The following WWOX variants were observed in gnomAD, a reference collection of about 807,000 sequenced individuals.
WWOX encodes the protein WW domain-containing oxidoreductase.
Under a neutral mutation model 46.2 loss-of-function variants are expected in WWOX, and 69 were observed. That is an observed-to-expected ratio of 1.49 (90% CI 1.23 to 1.82). The LOEUF (loss-of-function observed/expected upper bound fraction) is 1.82, where lower values mean the gene tolerates loss of function less well. WWOX is among the 40% of genes most tolerant of loss of function. WWOX has a pLI of 0.00. For synonymous variants in WWOX, 359 were observed against 202.6 expected (o/e 1.77, Z -6.56); for missense variants, 919 against 542.6 (o/e 1.69, Z -6.89).
chr16:79,065,871 T>C (rs1233048888), intron 8 of WWOX, among the ~76,000 whole-genome samples: 2 of 152,256 alleles, frequency 1.3e-5, no homozygotes, highest in African/African-American at 2.4e-5. Flanking sequence ...ATTCCTCTTA[T>C]GGTCACAATT....
chr16:78,469,040 T>A (rs2151432564), intron 8 of WWOX, among the ~76,000 whole-genome samples: 1 of 152,316 alleles, frequency 6.6e-6, no homozygotes, highest in East Asian at 1.9e-4. Flanking sequence ...ATGGATAGAT[T>A]GATTTTGTTG....
At chr16:78,420,399 C>T (rs572952056) in intron 6 of WWOX, among the ~76,000 whole-genome samples, 2 of 151,932 alleles carry the variant, frequency 1.3e-5, no homozygotes, top group Non-Finnish European at 2.9e-5. Context: ...ATAAACAAAG[C>T]GTGGTATATT....
At chr16:78,171,148 G>A (rs11648811) in intron 5 of WWOX, among the ~76,000 whole-genome samples, 12,733 of 152,200 alleles carry the variant, frequency 0.084, 590 homozygotes, top group Non-Finnish European at 0.094. Flanking sequence ...ATTTTGCTGT[G>A]CTTTTCATAG....
intron 8 of WWOX, among the ~76,000 whole-genome samples, chr16:79,185,080 A>G (rs1463240994): frequency 6.6e-6 from 1 of 152,230 alleles, no homozygotes; most frequent in Non-Finnish European, 1.5e-5. Flanking sequence ...AGGTCTTGAG[A>G]TAAGAAAAAC....
intron 8 of WWOX, among the ~76,000 whole-genome samples, chr16:78,515,920 G>A (rs775595068): frequency 2.6e-5 from 4 of 152,218 alleles, no homozygotes; most frequent in Admixed American, 2.6e-4. Context: ...ATTTTGTTAC[G>A]TGTTGTTAGG....
intron 8 of WWOX, among the ~76,000 whole-genome samples, chr16:79,134,524 GC>G (rs1452722707): frequency 6.6e-6 from 1 of 152,078 alleles, no homozygotes; most frequent in Non-Finnish European, 1.5e-5. Context: ...CCTACCCGGG[GC>G]CCACTCCTAC....
intron 8 of WWOX, among the ~76,000 whole-genome samples, chr16:78,547,744 G>C (rs1043912645): frequency 6.6e-6 from 1 of 152,128 alleles, no homozygotes; most frequent in Non-Finnish European, 1.5e-5. Context: ...GAGGGGCAAA[G>C]GGTCTCTCTA....
At position 78,787,499 on chromosome 16, in the gene WWOX, C is replaced by A. The variant is rs901325998; in HGVS notation, c.1056+354747C>A. On this transcript the variant is annotated intron_variant, in intron 8 of 8. Coordinates refer to ENST00000566780, the MANE Select transcript of WWOX (RefSeq NM_016373.4). ...CATGTTGTAGAATGTATCAGTACTT[C>A]ATTCTTTTTATGGTTGAGTGATATT... Among the ~76,000 whole-genome samples the A allele has an allele frequency of 7.9e-5, 12 of 152,108 alleles. 1 individual carries two copies. Among genetic ancestry groups the A allele is most frequent in the Admixed American group, 7.9e-4 (12 of 15,274 alleles).
intron 8 of WWOX, among the ~76,000 whole-genome samples, chr16:78,672,738 GC>G (rs1567479844): frequency 2.0e-5 from 3 of 152,228 alleles, no homozygotes; most frequent in African/African-American, 4.8e-5. Flanking sequence ...CTGGTCTGCA[GC>G]CCCCCATTTT....
At chr16:78,905,831 A>T (rs966102342) in intron 8 of WWOX, among the ~76,000 whole-genome samples, 2 of 152,164 alleles carry the variant, frequency 1.3e-5, no homozygotes, top group African/African-American at 4.8e-5. Context: ...CTGGATTTCA[A>T]ATGCTAGTTG....
intron 8 of WWOX, among the ~76,000 whole-genome samples, chr16:78,660,212 C>A (rs1464800166): frequency 1.3e-5 from 2 of 152,076 alleles, no homozygotes; most frequent in African/African-American, 2.4e-5. Flanking sequence ...ATATTGTCAG[C>A]AGGAGGGAGG....
At chr16:78,534,709 T>TTTTTA in intron 8 of WWOX, among the ~76,000 whole-genome samples, 1 of 152,054 alleles carries the variant, frequency 6.6e-6, no homozygotes, top group South Asian at 2.1e-4. Flanking sequence ...TCTTTTTATT[T>TTTTTA]TTTTATTTCA....
intron 8 of WWOX, among the ~76,000 whole-genome samples, chr16:79,209,853 AT>A (rs1305076767): frequency 2.6e-5 from 4 of 152,210 alleles, no homozygotes; most frequent in Non-Finnish European, 4.4e-5. Context: ...GCTCAGGGTT[AT>A]TAGGAATAAT....
At chr16:78,895,012 C>A (rs570668973) in intron 8 of WWOX, among the ~76,000 whole-genome samples, 1 of 152,158 alleles carries the variant, frequency 6.6e-6, no homozygotes, top group African/African-American at 2.4e-5. Context: ...ATCATGCCGC[C>A]GGGCACCGGT....
chr16:78,543,717 G>C (rs1477389649), intron 8 of WWOX, among the ~76,000 whole-genome samples: 2 of 152,174 alleles, frequency 1.3e-5, no homozygotes, highest in Admixed American at 6.5e-5. Flanking sequence ...TCCTTGTCTT[G>C]TGGAGGGAAC....
In WWOX at chr16:78,219,915, C is replaced by A. The variant is rs557083010; in HGVS notation, c.516+55626C>A. On this transcript the variant is annotated intron_variant, in intron 5 of 8. Transcript: ENST00000566780. ...GTACTGAAACTTACCAAACATTGTA[C>A]GTTTTAAATGGGCAAAATGTATTTG... is the stretch of plus-strand genomic sequence containing the variant. Among the ~76,000 whole-genome samples the A allele has an allele frequency of 2.6e-5, 4 of 152,162 alleles. No individual in the cohort carries two copies. The East Asian group carries it at 5.8e-4, about 22-fold the overall frequency.
At chr16:79,052,413 C>A (rs1029457817) in intron 8 of WWOX, among the ~76,000 whole-genome samples, 18 of 152,138 alleles carry the variant, frequency 1.2e-4, no homozygotes, top group African/African-American at 4.3e-4. Context: ...TGTATATGTG[C>A]CAGCCATCCC....
At chr16:78,528,012 T>TC (rs1295227942) in intron 8 of WWOX, among the ~76,000 whole-genome samples, 5 of 115,682 alleles carry the variant, frequency 4.3e-5, no homozygotes, top group African/African-American at 1.6e-4. Context: ...TTTTTTTTTT[T>TC]TTTTGAGACG....
intron 4 of WWOX, among the ~76,000 whole-genome samples, chr16:78,147,696 T>TAA (rs754297519): frequency 9.5e-6 from 1 of 104,868 alleles, no homozygotes; most frequent in East Asian, 3.5e-4. Context: ...TTTTTTTTTT[T>TAA]AAAAAAAAAA....
Sources: allele counts gnomAD v4.1 joint callset (sites outside exome capture counted in the v4.1 genomes callset), GRCh38; gene constraint gnomAD v4.1.1; transcripts MANE v1.5; gene names NCBI Gene and HGNC (gene_info 2026-07-23, HGNC 2026-07-21).